KANSL1: variants seen among roughly 807,000 people sequenced by gnomAD.
KANSL1 encodes MLL1/MLL complex subunit KANSL1.
In KANSL1, 22 loss-of-function variants were observed where a neutral mutation model predicts 103.6. The observed-to-expected ratio is 0.21, with a 90% CI of 0.15 to 0.30. The LOEUF (loss-of-function observed/expected upper bound fraction) is 0.30. KANSL1 is among the 10% of genes least tolerant of loss of function. The pLI is 1.00. For missense variants in KANSL1, 1,337 were observed against 1,399.8 expected (o/e 0.96, Z 0.72); for synonymous variants, 600 against 527.6 (o/e 1.14, Z -1.88).
chr17:46,139,296 CAAA>C (rs370375207), intron 2 of KANSL1, among the ~76,000 whole-genome samples: 5 of 139,454 alleles, frequency 3.6e-5, no homozygotes, highest in Admixed American at 7.0e-5. Context: ...TTTCATAGGC[CAAA>C]AAAAAAAAAA....
chr17:46,151,253 C>T (rs1918790), intron 2 of KANSL1, among the ~76,000 whole-genome samples: 18,674 of 150,252 alleles, frequency 0.12, 22 homozygotes, highest in Middle Eastern at 0.19. Flanking sequence ...CCTGGATCAG[C>T]ATGCATGCTC....
At chr17:46,038,464 C>T (rs2077214958) in intron 10 of KANSL1, 74 bp downstream of exon 10, 1 of 1,535,512 alleles carries the variant, frequency 6.5e-7, no homozygotes, top group South Asian at 1.2e-5. Flanking sequence ...CACCCTCACA[C>T]TGTCCTCTGG....
Position 46,217,482 on chromosome 17 carries a change from A to G in KANSL1, c.-90+6189T>C, listed in dbSNP as rs77515974. Among the ~76,000 whole-genome samples, 251 of 152,278 alleles carry G rather than the reference A, an allele frequency of 1.6e-3. 2 individuals are homozygous for G. The highest frequency in any genetic ancestry group is 5.7e-3 in the African/African-American group (235 of 41,534). ...CAAAGAGAGACTCTAAAAAAAAAAA[A>G]AGAGATAGGATCTTCAAAGAGGTCA... is the stretch of plus-strand genomic sequence containing the variant. On this transcript the variant is annotated intron_variant, in intron 1 of 14. Transcript: ENST00000572904.
At chr17:46,189,093 G>A (rs1054472339) in intron 1 of KANSL1, among the ~76,000 whole-genome samples, 2 of 137,314 alleles carry the variant, frequency 1.5e-5, no homozygotes, top group African/African-American at 5.7e-5. Context: ...TGCTCCCGTT[G>A]CTCAACCTAC....
At chr17:46,161,368 G>A (rs933720363) in intron 2 of KANSL1, among the ~76,000 whole-genome samples, 12 of 151,900 alleles carry the variant, frequency 7.9e-5, no homozygotes, top group Middle Eastern at 3.2e-3. Context: ...CCTGGAAGTT[G>A]GAGCTTGCAG....
chr17:46,163,327 C>A (rs1422549340), intron 2 of KANSL1, among the ~76,000 whole-genome samples: 1 of 152,210 alleles, frequency 6.6e-6, no homozygotes, highest in African/African-American at 2.4e-5. Flanking sequence ...ACTCCTCCCC[C>A]ATTTATAGAA....
At chr17:46,050,202 C>T (rs1247042440) in intron 7 of KANSL1, 3 of 253,910 alleles carry the variant, frequency 1.2e-5, no homozygotes, top group Non-Finnish European at 2.3e-5. Context: ...AGGCGTGACC[C>T]ACCACGCCTG....
chr17:46,171,995 T>C lies in KANSL1; in HGVS notation c.149A>G (p.Lys50Arg). 1 of 1,614,272 alleles carries C rather than the reference T, an allele frequency of 6.2e-7. No individual in the cohort carries two copies. Among genetic ancestry groups the C allele is most frequent in the Non-Finnish European group, 8.5e-7 (1 of 1,180,042 alleles). ...ANILIAANGT[K>R]RKAIAAEDPS... is the part of the protein sequence containing the mutation. ...ATCCTCTGCAGCAATGGCTTTTCTTTTGGTTCCGTTGGCAGCAATAAGGAT... is the reference window on the plus strand; with the variant it reads ...ATCCTCTGCAGCAATGGCTTTTCTTCTGGTTCCGTTGGCAGCAATAAGGAT... The change falls in exon 2 of 15, where the codon AAA (lysine) becomes AGA (arginine). Residue 50 changes from lysine to arginine, a missense_variant. Coordinates refer to ENST00000432791, the MANE Select transcript of KANSL1 (RefSeq NM_015443.4).
intron 1 of KANSL1, chr17:46,221,482 A>AG (rs1370566802): frequency 2.7e-5 from 4 of 150,790 alleles, no homozygotes; most frequent in Non-Finnish European, 5.9e-5. Flanking sequence ...GGCTTTAAAA[A>AG]GGTACAGACC....
intron 2 of KANSL1, among the ~76,000 whole-genome samples, chr17:46,107,207 G>A (rs567792158): frequency 1.3e-5 from 2 of 152,342 alleles, no homozygotes; most frequent in East Asian, 1.9e-4. Flanking sequence ...AACAGCAAGG[G>A]GGATGGATCA....
intron 1 of KANSL1, among the ~76,000 whole-genome samples, chr17:46,212,938 C>T (rs2048208944): frequency 6.6e-6 from 1 of 152,214 alleles, no homozygotes; most frequent in Non-Finnish European, 1.5e-5. Flanking sequence ...AAAAATGTTT[C>T]TCATATGCTT....
chr17:46,129,122 A>G (rs2043719530), intron 2 of KANSL1, among the ~76,000 whole-genome samples: 1 of 152,228 alleles, frequency 6.6e-6, no homozygotes, highest in Non-Finnish European at 1.5e-5. Flanking sequence ...GCATCCCCTC[A>G]GAGAATGTAC....
intron 2 of KANSL1, among the ~76,000 whole-genome samples, chr17:46,147,582 A>ATT: frequency 9.1e-6 from 1 of 110,278 alleles, no homozygotes; most frequent in Non-Finnish European, 2.3e-5. Flanking sequence ...TAAAAAAAAA[A>ATT]AAAAAAAAAA....
Position 46,213,759 on chromosome 17 carries a change from A to C in KANSL1, c.-90+9912T>G, listed in dbSNP as rs186683399. Among the ~76,000 whole-genome samples, 236 of 152,044 alleles carry C rather than the reference A, an allele frequency of 1.6e-3. 1 individual carries two copies. The highest frequency in any genetic ancestry group is 5.6e-3 in the African/African-American group (232 of 41,478). On this transcript the variant is annotated intron_variant, in intron 1 of 14. Coordinates refer to the KANSL1 transcript ENST00000572904. ...ATGGTGAAACCCTGTCTCTACTAAA[A>C]ATATAACAATCAGCCGGGTGTGGTG...
chr17:46,079,041 AAG>A (rs1491072833), intron 4 of KANSL1, among the ~76,000 whole-genome samples: 1 of 152,122 alleles, frequency 6.6e-6, no homozygotes, highest in Non-Finnish European at 1.5e-5. Context: ...AAAATAAAAA[AAG>A]AGGCATTTTT....
At chr17:46,052,473 T>TG (rs2077742605) in intron 6 of KANSL1, among the ~76,000 whole-genome samples, 1 of 151,206 alleles carries the variant, frequency 6.6e-6, no homozygotes, top group African/African-American at 2.4e-5. Context: ...GGTGTGGTGG[T>TG]GGGAGCCTGT....
chr17:46,095,239 T>C lies in KANSL1; in HGVS notation c.1290-538A>G, dbSNP rs1049531239. Among the ~76,000 whole-genome samples, 5 of 152,332 alleles carry C rather than the reference T, an allele frequency of 3.3e-5. No individual in the cohort carries two copies. The East Asian group carries it at 9.6e-4, about 29-fold the overall frequency. Reference sequence around the variant, plus strand: ...CTATACAAATGGTAGGACACATTTTTTTAGGATGGCGATTCTCATGAACAT... The same window carrying C: ...CTATACAAATGGTAGGACACATTTTCTTAGGATGGCGATTCTCATGAACAT... On this transcript the variant is annotated intron_variant, in intron 2 of 14. Transcript: ENST00000432791.
intron 2 of KANSL1, among the ~76,000 whole-genome samples, chr17:46,105,715 A>G (rs2042505674): frequency 6.6e-6 from 1 of 152,174 alleles, no homozygotes; most frequent in African/African-American, 2.4e-5. Context: ...ACAAAAAAAT[A>G]CAAAAATTAG....
intron 1 of KANSL1, among the ~76,000 whole-genome samples, chr17:46,182,516 G>GACCAC (rs1306535567): frequency 2.5e-4 from 38 of 152,216 alleles, no homozygotes; most frequent in Non-Finnish European, 3.4e-4. Flanking sequence ...TCACCCACAA[G>GACCAC]ACCATTATCA....
Sources: allele counts gnomAD v4.1 joint callset (sites outside exome capture counted in the v4.1 genomes callset), GRCh38; gene constraint gnomAD v4.1.1; transcripts MANE v1.5; gene names NCBI Gene and HGNC (gene_info 2026-07-23, HGNC 2026-07-21).